MACROD2: variants seen among roughly 807,000 people sequenced by gnomAD.
The protein encoded by MACROD2 is ADP-ribose glycohydrolase MACROD2.
MACROD2 carries 36 observed loss-of-function variants against 70.4 expected under a neutral mutation model. The observed-to-expected ratio is 0.51, with a 90% confidence interval of 0.39 to 0.68. The LOEUF (loss-of-function observed/expected upper bound fraction) is 0.68. MACROD2 is among the 30% of genes least tolerant of loss of function. MACROD2 has a pLI of 0.00. For missense variants in MACROD2, 496 were observed against 538.4 expected, an observed-to-expected ratio of 0.92 and a Z score of 0.78; for synonymous variants, 172 against 178.8, an observed-to-expected ratio of 0.96 and a Z score of 0.30.
At chr20:15,600,401 C>T (rs1307843889) in intron 8 of MACROD2, among the ~76,000 whole-genome samples, 1 of 152,130 alleles carries the variant, frequency 6.6e-6, no homozygotes, top group Non-Finnish European at 1.5e-5. Flanking sequence ...TTTCGTGTTG[C>T]TCATTATCAG....
intron 8 of MACROD2, among the ~76,000 whole-genome samples, chr20:15,724,509 C>T (rs2050833584): frequency 6.6e-6 from 1 of 151,524 alleles, no homozygotes; most frequent in Non-Finnish European, 1.5e-5. Flanking sequence ...ATGTGAATGT[C>T]CAGTTGCTCC....
intron 3 of MACROD2, among the ~76,000 whole-genome samples, chr20:14,088,201 T>C (rs1172006643): frequency 6.6e-6 from 1 of 151,740 alleles, no homozygotes; most frequent in African/African-American, 2.4e-5. Context: ...TGGTGGCGTG[T>C]GCCTGTAAGT....
intron 9 of MACROD2, among the ~76,000 whole-genome samples, chr20:15,864,479 T>C (rs1421134124): frequency 6.6e-6 from 1 of 152,136 alleles, no homozygotes; most frequent in African/African-American, 2.4e-5. Context: ...TCATGTATTC[T>C]AAAATAAAGT....
At chr20:14,460,562 G>A (rs1377593477) in intron 3 of MACROD2, among the ~76,000 whole-genome samples, 1 of 152,112 alleles carries the variant, frequency 6.6e-6, no homozygotes, top group South Asian at 2.1e-4. Flanking sequence ...CTGTGGGTTT[G>A]TCATAAATAA....
intron 5 of MACROD2, among the ~76,000 whole-genome samples, chr20:15,172,584 T>C (rs920091994): frequency 6.6e-6 from 1 of 152,202 alleles, no homozygotes; most frequent in Non-Finnish European, 1.5e-5. Context: ...TGTTTTGTTT[T>C]AATTTTGTAG....
intron 15 of MACROD2, among the ~76,000 whole-genome samples, chr20:16,002,724 C>A (rs2066727546): frequency 6.6e-6 from 1 of 152,192 alleles, no homozygotes; most frequent in Admixed American, 6.5e-5. Context: ...CCATTTCAGA[C>A]ATCTGGCCTC....
intron 4 of MACROD2, among the ~76,000 whole-genome samples, chr20:14,500,450 C>T (rs1433034997): frequency 1.3e-5 from 2 of 152,222 alleles, no homozygotes; most frequent in East Asian, 3.8e-4. Flanking sequence ...TATGTGTTTT[C>T]TTCATTCCAC....
intron 5 of MACROD2, among the ~76,000 whole-genome samples, chr20:15,034,250 CTA>C (rs2075296570): frequency 1.3e-5 from 2 of 152,140 alleles, no homozygotes; most frequent in Admixed American, 1.3e-4. Context: ...GGTTGGAATT[CTA>C]TATACTTTCC....
chr20:14,584,534 G>T (rs1981246234), intron 4 of MACROD2, among the ~76,000 whole-genome samples: 1 of 152,050 alleles, frequency 6.6e-6, no homozygotes, highest in African/African-American at 2.4e-5. Flanking sequence ...GAGAGAAAAA[G>T]GGCTATTCTT....
At chr20:14,316,181 C>T (rs1209932769) in intron 3 of MACROD2, among the ~76,000 whole-genome samples, 1 of 152,074 alleles carries the variant, frequency 6.6e-6, no homozygotes, top group Non-Finnish European at 1.5e-5. Context: ...TTTCTGTCTA[C>T]CCTGAGTTTA....
chr20:14,739,185 C>G (rs1568768562), intron 5 of MACROD2, among the ~76,000 whole-genome samples: 1 of 151,920 alleles, frequency 6.6e-6, no homozygotes, highest in African/African-American at 2.4e-5. Flanking sequence ...TACTCTTGCT[C>G]TCATAATTTT....
chr20:14,274,303 A>T (rs1179170771), intron 3 of MACROD2, among the ~76,000 whole-genome samples: 1 of 152,204 alleles, frequency 6.6e-6, no homozygotes, highest in Non-Finnish European at 1.5e-5. Context: ...CACCATGATC[A>T]AGTGGGCTTC....
chr20:14,865,512 C>T (rs1363933934), intron 5 of MACROD2, among the ~76,000 whole-genome samples: 1 of 151,850 alleles, frequency 6.6e-6, no homozygotes. Flanking sequence ...ATTTAAATAC[C>T]AAACGTTTCC....
At chr20:14,562,864 G>C (rs1031993070) in intron 4 of MACROD2, among the ~76,000 whole-genome samples, 2 of 151,714 alleles carry the variant, frequency 1.3e-5, no homozygotes, top group Non-Finnish European at 2.9e-5. Flanking sequence ...GTTCTTGCCA[G>C]TCCTCTTCTG....
intron 2 of MACROD2, among the ~76,000 whole-genome samples, chr20:14,049,819 C>A (rs775760157): frequency 1.1e-4 from 17 of 151,878 alleles, no homozygotes; most frequent in South Asian, 2.1e-4. Flanking sequence ...TGCGGTGGCT[C>A]ACGCCTGTAA....
rs575152044 is a variant in MACROD2, at chr20:14,920,250, G to A, written c.418+235291G>A. The stretch of plus-strand genomic sequence containing the variant: ...TGTGCTCAACTTTCTTTTGCCCCAG[G>A]CTTGAAAATACATGCCCTGTCTTTA... On this transcript the variant is annotated intron_variant, in intron 5 of 17. Coordinates refer to ENST00000684519, the MANE Select transcript of MACROD2 (RefSeq NM_001351661.2). Among the ~76,000 whole-genome samples, 14 of 152,186 alleles carry A rather than the reference G, an allele frequency of 9.2e-5. No homozygotes were observed. In the South Asian group the frequency reaches 2.7e-3, roughly 29 times the overall value.
chr20:15,060,304 A>G (rs1002206778), intron 5 of MACROD2, among the ~76,000 whole-genome samples: 5 of 152,182 alleles, frequency 3.3e-5, no homozygotes, highest in African/African-American at 1.2e-4. Flanking sequence ...AGGTTGTCAC[A>G]GTTCAATGTG....
chr20:15,857,169 T>C (rs1358860457), intron 8 of MACROD2, among the ~76,000 whole-genome samples: 3 of 152,156 alleles, frequency 2.0e-5, no homozygotes, highest in African/African-American at 7.2e-5. Context: ...CACAAGGGGA[T>C]GATTGACTGA....
chr20:14,064,225 C>T (rs1031341144), intron 2 of MACROD2, among the ~76,000 whole-genome samples: 2 of 151,972 alleles, frequency 1.3e-5, no homozygotes, highest in African/African-American at 4.8e-5. Flanking sequence ...TTTGCCCTTC[C>T]TATAAAGGTT....
Sources: gnomAD v4.1 joint callset for allele counts (sites outside exome capture counted in the v4.1 genomes callset) on GRCh38, gnomAD v4.1.1 for gene constraint, MANE v1.5 for transcripts, NCBI Gene and HGNC (gene_info 2026-07-23, HGNC 2026-07-21) for gene names.